ZNF638: variants seen among roughly 807,000 people sequenced by gnomAD.
ZNF638 encodes the protein zinc finger protein 638.
Under a neutral mutation model 195.6 loss-of-function variants are expected in ZNF638, and 46 were observed. The observed-to-expected ratio is 0.24, with a 90% CI of 0.19 to 0.30. The LOEUF is 0.30. Ranked by LOEUF, ZNF638 falls within the 10% of genes least tolerant of loss-of-function variation. ZNF638 has a pLI of 1.00. For synonymous variants in ZNF638, 845 were observed against 772.0 expected, an observed-to-expected ratio of 1.09 and a Z score of -1.57; for missense variants, 2,440 against 2,325.3, an observed-to-expected ratio of 1.05 and a Z score of -1.01.
intron 17 of ZNF638, among the ~76,000 whole-genome samples, chr2:71,404,926 G>T (rs1424529223): frequency 6.6e-6 from 1 of 152,154 alleles, no homozygotes; most frequent in African/African-American, 2.4e-5. Flanking sequence ...ATCACATGAG[G>T]TAGAAATATT....
intron 5 of ZNF638, 72 bp from the exon 6 acceptor site, chr2:71,365,355 ATG>A: frequency 8.2e-7 from 1 of 1,221,170 alleles, no homozygotes; most frequent in Non-Finnish European, 1.1e-6. Flanking sequence ...GAATAGCACT[ATG>A]TGATTATGTC....
chr2:71,358,421 C>T (rs1320748015), intron 3 of ZNF638, among the ~76,000 whole-genome samples: 3 of 152,180 alleles, frequency 2.0e-5, no homozygotes, highest in Non-Finnish European at 4.4e-5. Flanking sequence ...TTGAGCAGTG[C>T]TTTTGCTGCC....
chr2:71,361,658 A>T (rs2079111243), intron 3 of ZNF638: 1 of 152,206 alleles, frequency 6.6e-6, no homozygotes, highest in Non-Finnish European at 1.5e-5. Flanking sequence ...GTCCTCTCAT[A>T]ATTAAAAGAT....
Position 71,408,210 on chromosome 2 carries a change from T to C in ZNF638, c.3224T>C (p.Leu1075Ser), listed in dbSNP as rs1352373145. 1 of 1,613,172 alleles carries C rather than the reference T, an allele frequency of 6.2e-7. No individual in the cohort carries two copies. The highest frequency in any genetic ancestry group is 8.5e-7 in the Non-Finnish European group (1 of 1,179,530). Residue 1075 changes from leucine (L) to serine (S), a missense_variant, in exon 20 of 28, where the codon TTG (leucine) becomes TCG (serine). Leu to Ser is a moderately radical substitution (Grantham distance 145). This residue lies in a region of ZNF638 where 1,883 missense variants were observed against 1,739.1 expected (regional missense o/e 1.08). Transcript: ENST00000264447. ...CCACAAAATATTGGTGACCATATGT[T>C]GACCTGCTCATTATCTCCAAAGATA... ...QNPQNIGDHM[L>S]TCSLSPKIDL...
chr2:71,423,072 C>G lies in ZNF638; in HGVS notation c.3558C>G (p.Val1186=). ...EEIPLVASAS[V]SIEQFTENAE... ...TTCCTCTTGTAGCATCCGCTTCAGT[C>G]AGTATTGAACAATTCACTGAAAATG... Residue 1186 remains valine (V), a synonymous_variant, in exon 22 of 28, where the codon GTC becomes GTG. Coordinates refer to ENST00000264447, the MANE Select transcript of ZNF638 (RefSeq NM_014497.5). 1 of 1,614,072 alleles carries G rather than the reference C, an allele frequency of 6.2e-7. No homozygotes were observed.
At chr2:71,406,308 T>C in intron 19 of ZNF638, 46 bp downstream of exon 19, 1 of 1,539,618 alleles carries the variant, frequency 6.5e-7, no homozygotes, top group Non-Finnish European at 9.0e-7. Context: ...GTAAAGAATG[T>C]ATAATAACCC....
At position 71,414,099 on chromosome 2, in the gene ZNF638, A is replaced by G. The variant is rs538335941; in HGVS notation, c.3262-4503A>G. ...TCTGGTAGAATTCGGCTGTGAATCC[A>G]TCTGGTCCTGGACTCTTTGTTTGGT... On this transcript the variant is annotated intron_variant, in intron 20 of 27. Coordinates refer to ENST00000264447, the MANE Select transcript of ZNF638 (RefSeq NM_014497.5). 2.7e-3 allele frequency among the ~76,000 whole-genome samples: 387 copies of G among 145,046 alleles called. 2 individuals carry two copies. Among genetic ancestry groups the G allele is most frequent in the African/African-American group, 9.5e-3 (373 of 39,378 alleles).
chr2:71,405,734 A>G, intron 18 of ZNF638, 92 bp downstream of exon 18: 1 of 934,340 alleles, frequency 1.1e-6, no homozygotes, highest in Non-Finnish European at 1.6e-6. Context: ...AAACCTTAGA[A>G]CTAATTTTAA....
intron 8 of ZNF638, among the ~76,000 whole-genome samples, chr2:71,374,479 A>G (rs1045370988): frequency 3.3e-5 from 5 of 152,028 alleles, no homozygotes; most frequent in African/African-American, 1.2e-4. Flanking sequence ...CTCTTTATTT[A>G]AATTCATTTT....
intron 3 of ZNF638, among the ~76,000 whole-genome samples, chr2:71,358,844 C>CA (rs1400024057): frequency 6.6e-6 from 1 of 152,182 alleles, no homozygotes; most frequent in Admixed American, 6.5e-5. Flanking sequence ...GAGTCACACT[C>CA]ATAGTATTTC....
chr2:71,355,788 T>C lies in ZNF638; in HGVS notation c.1379+8T>C. ...TCGACAGTTACGTCAACAGTAAGAA[T>C]ATATTTTTCCTTTATTATAGATAGC... On this transcript the variant is annotated splice_region_variant and intron_variant, in intron 3 of 27. Coordinates refer to ENST00000264447, the MANE Select transcript of ZNF638 (RefSeq NM_014497.5). The C allele has an allele frequency of 2.6e-6, 4 of 1,557,944 alleles. No individual in the cohort carries two copies.
At chr2:71,398,636 G>T in intron 11 of ZNF638, 65 bp from the exon 12 acceptor site, 1 of 1,229,916 alleles carries the variant, frequency 8.1e-7, no homozygotes, top group African/African-American at 1.5e-5. Context: ...TTCTCTGTGA[G>T]GTTCTTTGGA....
intron 3 of ZNF638, among the ~76,000 whole-genome samples, chr2:71,359,206 G>C (rs372465045): frequency 2.0e-5 from 3 of 152,154 alleles, no homozygotes; most frequent in African/African-American, 4.8e-5. Context: ...ACAATATGCT[G>C]TCTGTGTGTT....
chr2:71,390,181 G>GAA (rs979620228), intron 10 of ZNF638, among the ~76,000 whole-genome samples: 9 of 152,184 alleles, frequency 5.9e-5, no homozygotes, highest in African/African-American at 2.2e-4. Flanking sequence ...AACCACCTAA[G>GAA]TAATCAGGTG....
At chr2:71,420,978 G>A (rs1336382832) in intron 21 of ZNF638, among the ~76,000 whole-genome samples, 1 of 152,122 alleles carries the variant, frequency 6.6e-6, no homozygotes, top group African/African-American at 2.4e-5. Flanking sequence ...GGTTCAGTTT[G>A]TATATAAGAT....
intron 20 of ZNF638, among the ~76,000 whole-genome samples, chr2:71,410,029 TA>T (rs2080180788): frequency 6.6e-6 from 1 of 152,242 alleles, no homozygotes; most frequent in Non-Finnish European, 1.5e-5. Context: ...TGTCTAGATG[TA>T]AAATTCTGTG....
At chr2:71,368,285 A>G (rs1432435259) in intron 6 of ZNF638, 97 bp from the exon 7 acceptor site, 1 of 1,137,172 alleles carries the variant, frequency 8.8e-7, no homozygotes, top group Admixed American at 2.6e-5. Context: ...CCTTTAGTGT[A>G]CTAATATTAG....
rs776996810 is a variant in ZNF638, at chr2:71,357,003, C to T, written c.1379+1223C>T. 9.9e-5 allele frequency among the ~76,000 whole-genome samples: 15 copies of T among 152,186 alleles called. No homozygotes were observed. In the East Asian group the frequency reaches 1.9e-3, roughly 20 times the overall value. Reference sequence around the variant, plus strand: ...CTTTCACATAGCAAAATGGACCCCACGGTTCTGGATGTAAGTGATCTGTAT... The same window carrying T: ...CTTTCACATAGCAAAATGGACCCCATGGTTCTGGATGTAAGTGATCTGTAT... On this transcript the variant is annotated intron_variant, in intron 3 of 27. Transcript: ENST00000264447.
chr2:71,342,797 A>G (rs1365828405), intron 1 of ZNF638, among the ~76,000 whole-genome samples: 1 of 152,212 alleles, frequency 6.6e-6, no homozygotes, highest in Non-Finnish European at 1.5e-5. Context: ...GTTGGTTCCT[A>G]ACACTTTTTT....
Sources: allele counts gnomAD v4.1 joint callset (sites outside exome capture counted in the v4.1 genomes callset), GRCh38; gene constraint gnomAD v4.1.1; regional missense constraint gnomAD v4.1.1; transcripts MANE v1.5; gene names NCBI Gene and HGNC (gene_info 2026-07-23, HGNC 2026-07-21).